Variants in OTUD5 observed in about 807,000 individuals in gnomAD.
The protein encoded by OTUD5 is OTU domain-containing protein 5.
A neutral mutation model predicts 36.3 loss-of-function variants in OTUD5; 2 were observed. That is an observed-to-expected ratio of 0.06 (90% CI 0.02 to 0.17). The LOEUF (loss-of-function observed/expected upper bound fraction) is 0.17. Among genes scored for constraint, OTUD5 ranks in the 10% least tolerant of loss-of-function variants. The pLI, the probability that OTUD5 is intolerant of heterozygous loss-of-function variation, is 1.00. For synonymous variants in OTUD5, 234 were observed against 214.9 expected, an observed-to-expected ratio of 1.09 and a Z score of -0.78; for missense variants, 233 against 512.3, an observed-to-expected ratio of 0.45 and a Z score of 5.26.
chrX:48,932,775 C>T (rs1460645834), intron 5 of OTUD5, among the ~76,000 whole-genome samples: 3 of 110,109 alleles, frequency 2.7e-5, no homozygotes, highest in Non-Finnish European at 5.7e-5. Flanking sequence ...GAGACCTTGT[C>T]TCTACAAAAA....
chrX:48,923,563 G>T, intron 8 of OTUD5, 70 bp downstream of exon 8: 1 of 816,029 alleles, frequency 1.2e-6, no homozygotes, highest in Non-Finnish European at 1.8e-6. Context: ...GCCCCTCTCA[G>T]GACTTGCCAC....
Position 48,957,447 on chromosome X carries a change from C to A in OTUD5, c.124G>T (p.Gly42Cys), listed in dbSNP as rs1382622838. The A allele has an allele frequency of 2.0e-6, 2 of 978,826 alleles. No individual in the cohort carries two copies. The highest frequency in any genetic ancestry group is 2.6e-6 in the Non-Finnish European group (2 of 779,264). The allele number at this position is 978,826 out of a possible 1,213,427, so 80.7% of individuals were successfully genotyped here. The part of the protein sequence containing the change: ...RGGGVGVGGG[G>C]TGVGGGDRDR... ...CGATCGCCGCCGCCCACGCCCGTGC[C>A]GCCGCCGCCCACGCCCACACCTCCG... is the stretch of plus-strand genomic sequence containing the variant. Residue 42 changes from glycine to cysteine, a missense_variant, in exon 1 of 9, where the codon GGC (glycine) becomes TGC (cysteine). Transcript: ENST00000376488.
intron 5 of OTUD5, among the ~76,000 whole-genome samples, chrX:48,932,874 C>T (rs1193019566): frequency 1.8e-5 from 2 of 110,509 alleles, no homozygotes; most frequent in Non-Finnish European, 3.8e-5. Flanking sequence ...CCCAGCTACT[C>T]GGGAGGCTGA....
chrX:48,947,871 C>T (rs1324260266), intron 1 of OTUD5, among the ~76,000 whole-genome samples: 1 of 111,542 alleles, frequency 9.0e-6, no homozygotes, highest in African/African-American at 3.3e-5. Context: ...TGCCTGGAGC[C>T]CAGCAATGAA....
chrX:48,929,342 C>T (rs1209079266), intron 5 of OTUD5, among the ~76,000 whole-genome samples: 1 of 109,264 alleles, frequency 9.2e-6, no homozygotes, highest in Non-Finnish European at 1.9e-5. Context: ...GAGCCGAGAT[C>T]GCACCACTGT....
intron 2 of OTUD5, among the ~76,000 whole-genome samples, chrX:48,943,502 G>A (rs782758135): frequency 5.4e-5 from 6 of 111,331 alleles, no homozygotes; most frequent in Admixed American, 9.6e-5. Context: ...AAGAGTGGGC[G>A]GGATAGTGAT....
At chrX:48,951,380 C>T (rs910145475) in intron 1 of OTUD5, among the ~76,000 whole-genome samples, 16 of 111,607 alleles carry the variant, frequency 1.4e-4, no homozygotes, top group Admixed American at 1.1e-3. Flanking sequence ...TTTGGGAGGC[C>T]GAGGTGGGCG....
chrX:48,942,244 T>TACACACACACAC (rs1188711919), intron 2 of OTUD5, among the ~76,000 whole-genome samples: 10,918 of 56,962 alleles, frequency 0.19, 1,593 homozygotes, highest in Non-Finnish European at 0.24. Context: ...CACACACACA[T>TACACACACACAC]ACACACACAC....
At chrX:48,948,558 C>A (rs1302857943) in intron 1 of OTUD5, among the ~76,000 whole-genome samples, 2 of 111,150 alleles carry the variant, frequency 1.8e-5, no homozygotes, top group East Asian at 5.7e-4. Flanking sequence ...AGGCCCCTCG[C>A]ACTGCAGGGT....
At chrX:48,940,843 G>A (rs1019255030) in intron 2 of OTUD5, 9 of 112,332 alleles carry the variant, frequency 8.0e-5, no homozygotes, top group Admixed American at 4.7e-4. Flanking sequence ...GGAGGTGGGA[G>A]AGAACTGAGC....
At chrX:48,942,337 C>CACAT (rs58321237) in intron 2 of OTUD5, among the ~76,000 whole-genome samples, 1 of 104,430 alleles carries the variant, frequency 9.6e-6, no homozygotes, top group African/African-American at 3.5e-5. Context: ...CACACACACA[C>CACAT]GGCTCTTGAT....
intron 1 of OTUD5, among the ~76,000 whole-genome samples, chrX:48,956,269 C>T (rs1470903640): frequency 1.8e-5 from 2 of 110,806 alleles, no homozygotes; most frequent in African/African-American, 3.3e-5. Flanking sequence ...AAAAGTCTTA[C>T]ATCCCTGGAA....
At chrX:48,935,507 G>C (rs1813030255) in intron 2 of OTUD5, among the ~76,000 whole-genome samples, 1 of 110,619 alleles carries the variant, frequency 9.0e-6, no homozygotes, top group African/African-American at 3.3e-5. Context: ...TGAAAAAAAA[G>C]GGAACAAAGA....
intron 2 of OTUD5, among the ~76,000 whole-genome samples, chrX:48,939,629 C>A (rs2063885591): frequency 8.9e-6 from 1 of 111,890 alleles, no homozygotes; most frequent in Non-Finnish European, 1.9e-5. Flanking sequence ...ACTGAGGGAC[C>A]CCCTACCCCA....
At position 48,944,852 on chromosome X, in the gene OTUD5, G is replaced by A. The variant is rs1392965448; in HGVS notation, c.595-569C>T. Among the ~76,000 whole-genome samples the A allele has an allele frequency of 1.1e-4, 12 of 111,276 alleles. No homozygotes were observed. The East Asian group carries it at 1.1e-3, about 10-fold the overall frequency. On this transcript the variant is annotated intron_variant, in intron 1 of 8. Coordinates refer to ENST00000376488, the MANE Select transcript of OTUD5 (RefSeq NM_001136157.2). ...AGCCTGACCAACATGGAGAAACCCC[G>A]TCTCTAATAAAAATACAAAAGTAGT...
At chrX:48,946,889 T>C (rs1427252561) in intron 1 of OTUD5, among the ~76,000 whole-genome samples, 1 of 112,340 alleles carries the variant, frequency 8.9e-6, no homozygotes, top group African/African-American at 3.2e-5. Flanking sequence ...GAGGGGCTCC[T>C]ACTTATCCAT....
At chrX:48,944,074 G>C (rs1167108228) in intron 2 of OTUD5, 116 bp downstream of exon 2, 2 of 492,920 alleles carry the variant, frequency 4.1e-6, no homozygotes. Flanking sequence ...CTGGAGCCTA[G>C]AGTCCCTAAA....
In OTUD5 at chrX:48,934,856, G is replaced by A. The variant is rs1557049562; in HGVS notation, c.765C>T (p.Ala255=). ...KHCMDYLMKN[A]DYFSNYVTED... ...CTGTGACATAGTTGGAGAAGTAGTC[G>A]GCATTCTTCATCTGCAGAATAGATT... Residue 255 remains alanine (A), a synonymous_variant, in exon 4 of 9, where the codon GCC becomes GCT. Coordinates refer to ENST00000376488, the MANE Select transcript of OTUD5 (RefSeq NM_001136157.2). 8.3e-7 allele frequency: 1 copy of A among 1,209,452 alleles called. No individual in the cohort carries two copies. Among genetic ancestry groups the A allele is most frequent in the South Asian group, 1.8e-5 (1 of 56,899 alleles).
intron 2 of OTUD5, among the ~76,000 whole-genome samples, chrX:48,943,130 T>A (rs1305412056): frequency 9.0e-6 from 1 of 111,471 alleles, no homozygotes; most frequent in Non-Finnish European, 1.9e-5. Flanking sequence ...AGAAGGTAGG[T>A]CTTCTGACTC....
Sources: gnomAD v4.1 joint callset for allele counts (sites outside exome capture counted in the v4.1 genomes callset) on GRCh38, gnomAD v4.1.1 for gene constraint, MANE v1.5 for transcripts, NCBI Gene and HGNC (gene_info 2026-07-23, HGNC 2026-07-21) for gene names.